Variants in GPAM observed in about 807,000 individuals in gnomAD.
The protein encoded by GPAM is glycerol-3-phosphate acyltransferase 1, mitochondrial.
Under a neutral mutation model 105.0 loss-of-function variants are expected in GPAM, and 56 were observed. The ratio of observed to expected loss-of-function variants is 0.53; its 90% confidence interval spans 0.43 to 0.67. GPAM has a LOEUF of 0.67. Ranked by LOEUF, GPAM falls within the 30% of genes least tolerant of loss-of-function variation. The pLI is 0.00. For missense variants in GPAM, 855 were observed against 989.8 expected (o/e 0.86, Z 1.83); for synonymous variants, 368 against 354.4 (o/e 1.04, Z -0.43).
At chr10:112,203,259 C>A (rs952652183) in intron 1 of GPAM, among the ~76,000 whole-genome samples, 1 of 152,168 alleles carries the variant, frequency 6.6e-6, no homozygotes, top group East Asian at 1.9e-4. Flanking sequence ...TCTCTCTTAT[C>A]CTGAAGAAAG....
At chr10:112,163,847 C>T in intron 13 of GPAM, 31 bp from the exon 14 acceptor site, 1 of 992,734 alleles carries the variant, frequency 1.0e-6, no homozygotes, top group Non-Finnish European at 1.6e-6. Context: ...CAACACACAA[C>T]CGCACTCTTT....
intron 1 of GPAM, among the ~76,000 whole-genome samples, chr10:112,203,427 G>A (rs1847822048): frequency 7.3e-6 from 1 of 136,480 alleles, no homozygotes; most frequent in African/African-American, 3.8e-5. Flanking sequence ...AGCATCTGAA[G>A]GGGACTCTGG....
chr10:112,152,522 G>C lies in GPAM; in HGVS notation c.*1028C>G. 2.0e-6 allele frequency: 2 copies of C among 985,024 alleles called. No homozygotes were observed. Among genetic ancestry groups the C allele is most frequent in the Non-Finnish European group, 2.4e-6 (2 of 829,590 alleles). 61.0% of individuals were successfully genotyped at this position (985,024 alleles called of 1,614,324 possible). The stretch of plus-strand genomic sequence containing the variant: ...GGTTGTGCACGGCACAACTCGAGTG[G>C]GTACCAGTCACCTGGACTGGGGTGC... On this transcript the variant is annotated 3_prime_UTR_variant, in exon 22 of 22. Coordinates refer to ENST00000348367, the MANE Select transcript of GPAM (RefSeq NM_001244949.2).
chr10:112,172,823 A>G, intron 8 of GPAM, 147 bp downstream of exon 8: 1 of 673,700 alleles, frequency 1.5e-6, no homozygotes, highest in Non-Finnish European at 2.7e-6. Flanking sequence ...CCCCAAATAC[A>G]CAGCTATTGA....
In GPAM at chr10:112,168,419, C is replaced by T. The variant is rs747557346; in HGVS notation, c.1000G>A (p.Val334Ile). ...TSCARAGLLS[V>I]VVDTLSTNVI... ...TTGGTAGACAGAGTATCTACCACAA[C>T]TGACAAAAGTCCTGCCCGAGCACAA... The change falls in exon 11 of 22, where the codon GTT (valine) becomes ATT (isoleucine). Residue 334 changes from valine to isoleucine, a missense_variant. Transcript: ENST00000348367. 4 of 1,609,350 alleles carry T rather than the reference C, an allele frequency of 2.5e-6. No individual in the cohort carries two copies. The South Asian group carries it at 4.4e-5, about 18-fold the overall frequency.
chr10:112,155,079 T>C, intron 20 of GPAM: 1 of 228,884 alleles, frequency 4.4e-6, no homozygotes, highest in South Asian at 7.2e-5. Flanking sequence ...TGTACATCAG[T>C]GGAACCAGAG....
the GPAM span, among the ~76,000 whole-genome samples, chr10:112,223,321 C>G: frequency 6.6e-6 from 1 of 152,274 alleles, no homozygotes; most frequent in South Asian, 2.1e-4. Context: ...AGGTGAAGTG[C>G]CTGAGATCCA....
intron 1 of GPAM, among the ~76,000 whole-genome samples, chr10:112,206,947 C>T (rs1047730129): frequency 6.6e-6 from 1 of 152,120 alleles, no homozygotes; most frequent in Non-Finnish European, 1.5e-5. Flanking sequence ...GAAGTAGATG[C>T]CCCTTTCTCA....
At chr10:112,170,297 T>C (rs770822858) in intron 9 of GPAM, among the ~76,000 whole-genome samples, 66 of 152,224 alleles carry the variant, frequency 4.3e-4, no homozygotes, top group Non-Finnish European at 8.8e-4. Flanking sequence ...AGATGAGCCA[T>C]CCACAAAAAT....
At chr10:112,161,862 TAA>T in intron 14 of GPAM, 125 bp from the exon 15 acceptor site, 1 of 747,212 alleles carries the variant, frequency 1.3e-6, no homozygotes, top group Non-Finnish European at 2.4e-6. Flanking sequence ...ACATTTCCCA[TAA>T]GTGTGATTTA....
chr10:112,172,102 T>C lies in GPAM; in HGVS notation c.794+80A>G. On this transcript the variant is annotated intron_variant, in intron 9 of 21. Coordinates refer to ENST00000348367, the MANE Select transcript of GPAM (RefSeq NM_001244949.2). ...CTAATGTCATCTTTACAATAACATA[T>C]CGAAAGCTATAATTTAAAAAATTAA... 2.9e-6 allele frequency: 3 copies of C among 1,038,054 alleles called. No homozygotes were observed. In the East Asian group the frequency reaches 7.8e-5, roughly 27 times the overall value. The allele number at this position is 1,038,054 out of a possible 1,614,324, so 64.3% of individuals were successfully genotyped here.
intron 1 of GPAM, among the ~76,000 whole-genome samples, chr10:112,211,880 C>A (rs1044967219): frequency 6.6e-6 from 1 of 152,228 alleles, no homozygotes; most frequent in Non-Finnish European, 1.5e-5. Flanking sequence ...GTCTGCTTTT[C>A]TAACAAAAGA....
rs185326004 is a variant in GPAM at position 112,212,450 on chromosome 10, A to G, written n.210+2718T>C. Among the ~76,000 whole-genome samples, 284 of 152,202 alleles carry G rather than the reference A, an allele frequency of 1.9e-3. 1 individual carries two copies. The highest frequency in any genetic ancestry group is 6.2e-3 in the African/African-American group (258 of 41,532). ...GCTAATTTTTTTGTATTTTCAGTAG[A>G]GACGGGATTTCACCATGTTAGCCAG... On this transcript the variant is annotated intron_variant and non_coding_transcript_variant, in intron 1 of 3. Transcript: ENST00000480130.
intron 11 of GPAM, among the ~76,000 whole-genome samples, chr10:112,167,083 GGGT>G (rs1847231155): frequency 6.6e-6 from 1 of 152,114 alleles, no homozygotes; most frequent in Non-Finnish European, 1.5e-5. Context: ...AGGATGAGTA[GGGT>G]ATACATCAAG....
chr10:112,156,260 A>G, intron 19 of GPAM: 6 of 591,802 alleles, frequency 1.0e-5, no homozygotes, highest in South Asian at 2.0e-5. Context: ...TATTGTAATC[A>G]TTCACTTTTT....
rs767854755 is a variant in GPAM, at chr10:112,172,316, C to T, written c.660G>A (p.Thr220=). The T allele has an allele frequency of 1.1e-5, 17 of 1,612,788 alleles. No homozygotes were observed. Among genetic ancestry groups the T allele is most frequent in the Admixed American group, 3.3e-5 (2 of 59,998 alleles). ...CTGGTAGAAACAGAAGCGGCAAATT[C>T]GTCTAGCAAAGGGAAAAATGCCAAA... is the stretch of plus-strand genomic sequence containing the variant. The part of the protein sequence containing the change: ...QLEMVKAATE[T]NLPLLFLPVH... Residue 220 remains threonine, a splice_region_variant and synonymous_variant, in exon 9 of 22, where the codon ACG becomes ACA. Transcript: ENST00000348367.
intron 1 of GPAM, among the ~76,000 whole-genome samples, chr10:112,198,897 A>T (rs534408005): frequency 6.6e-6 from 1 of 151,834 alleles, no homozygotes; most frequent in South Asian, 2.1e-4. Flanking sequence ...CCTAGAGGAC[A>T]TTATTTTTAT....
chr10:112,203,426 AGGGGACTCTG>A (rs11277466), intron 1 of GPAM, among the ~76,000 whole-genome samples: 8,698 of 152,248 alleles, frequency 0.057, 868 homozygotes, highest in African/African-American at 0.2. Flanking sequence ...CAGCATCTGA[AGGGGACTCTG>A]GAGAGGGGCA....
chr10:112,224,461 G>A, the GPAM span, among the ~76,000 whole-genome samples: 2 of 152,156 alleles, frequency 1.3e-5, no homozygotes, highest in African/African-American at 2.4e-5. Flanking sequence ...CAGTTCAGGA[G>A]GCAAGGTTTA....
Sources: gnomAD v4.1 joint callset for allele counts (sites outside exome capture counted in the v4.1 genomes callset) on GRCh38, gnomAD v4.1.1 for gene constraint, MANE v1.5 for transcripts, NCBI Gene and HGNC (gene_info 2026-07-23, HGNC 2026-07-21) for gene names.